LRRC8D: variants seen among roughly 807,000 people sequenced by gnomAD.
LRRC8D encodes the protein volume-regulated anion channel subunit LRRC8D.
Under a neutral mutation model 55.8 loss-of-function variants are expected in LRRC8D, and 20 were observed. The observed-to-expected ratio is 0.36, with a 90% CI of 0.25 to 0.52. The LOEUF (loss-of-function observed/expected upper bound fraction) is 0.52, where lower values mean the gene tolerates loss of function less well. Ranked by LOEUF, LRRC8D falls within the 20% of genes least tolerant of loss-of-function variation. The pLI is 0.93. For synonymous variants in LRRC8D, 352 were observed against 377.0 expected, an observed-to-expected ratio of 0.93 and a Z score of 0.77; for missense variants, 651 against 1,030.8, an observed-to-expected ratio of 0.63 and a Z score of 5.05.
At chr1:89,869,126 C>G (rs775389431) in intron 2 of LRRC8D, among the ~76,000 whole-genome samples, 15 of 152,056 alleles carry the variant, frequency 9.9e-5, no homozygotes, top group Non-Finnish European at 1.9e-4. Flanking sequence ...AGGCTGGTCT[C>G]GAGCTCCTGA....
chr1:89,824,374 A>G (rs1660715919), intron 1 of LRRC8D, among the ~76,000 whole-genome samples: 1 of 152,238 alleles, frequency 6.6e-6, no homozygotes, highest in Non-Finnish European at 1.5e-5. Context: ...GAGGGAGATC[A>G]TAGCAGATGA....
At chr1:89,923,660 T>C (rs1362502298) in intron 2 of LRRC8D, among the ~76,000 whole-genome samples, 2 of 152,178 alleles carry the variant, frequency 1.3e-5, no homozygotes, top group African/African-American at 4.8e-5. Context: ...GCTGGAGATA[T>C]CACATTATGT....
chr1:89,872,598 C>T (rs1272449506), intron 2 of LRRC8D, among the ~76,000 whole-genome samples: 1 of 152,210 alleles, frequency 6.6e-6, no homozygotes, highest in Non-Finnish European at 1.5e-5. Context: ...TAAGGATAAC[C>T]ATCTTATTAG....
intron 2 of LRRC8D, among the ~76,000 whole-genome samples, chr1:89,923,953 G>C (rs995971956): frequency 6.6e-6 from 1 of 152,148 alleles, no homozygotes. Context: ...GGACTTAAAG[G>C]TAAGACCTAA....
chr1:89,898,436 T>C (rs543818904), intron 2 of LRRC8D, among the ~76,000 whole-genome samples: 1 of 152,330 alleles, frequency 6.6e-6, no homozygotes, highest in Non-Finnish European at 1.5e-5. Context: ...AAGGAAATAC[T>C]CTCACTTCCT....
intron 2 of LRRC8D, among the ~76,000 whole-genome samples, chr1:89,895,446 C>T (rs1170292163): frequency 6.6e-6 from 1 of 152,122 alleles, no homozygotes; most frequent in Non-Finnish European, 1.5e-5. Flanking sequence ...TGAGTTAGCC[C>T]TGTGCAAACT....
chr1:89,903,610 T>TA (rs1294889863), intron 2 of LRRC8D, among the ~76,000 whole-genome samples: 2 of 152,212 alleles, frequency 1.3e-5, no homozygotes, highest in Non-Finnish European at 2.9e-5. Context: ...CAAACATGGT[T>TA]ACACATATTG....
chr1:89,836,829 C>T (rs1483293887), intron 1 of LRRC8D, among the ~76,000 whole-genome samples: 1 of 152,164 alleles, frequency 6.6e-6, no homozygotes, highest in Non-Finnish European at 1.5e-5. Context: ...TCAATTGGCT[C>T]GCCCTCATTT....
intron 2 of LRRC8D, among the ~76,000 whole-genome samples, chr1:89,858,171 G>C (rs116337583): frequency 1.3e-5 from 2 of 152,228 alleles, no homozygotes; most frequent in South Asian, 2.1e-4. Context: ...AGAGATTGCC[G>C]TGAGCAGAGA....
rs114434314 is a variant in LRRC8D at position 89,841,625 on chromosome 1, G to A, written c.-147-2013G>A. On this transcript the variant is annotated intron_variant, in intron 1 of 2. Coordinates refer to ENST00000337338, the MANE Select transcript of LRRC8D (RefSeq NM_001134479.2). Reference sequence around the variant, plus strand: ...TTAGAGAAAAAATAATGCAGGAATCGAATTTTAGTCAGCTTGTTAGGTTCT... The same window carrying A: ...TTAGAGAAAAAATAATGCAGGAATCAAATTTTAGTCAGCTTGTTAGGTTCT... Among the ~76,000 whole-genome samples, 756 of 152,254 alleles carry A rather than the reference G, an allele frequency of 5.0e-3. 11 individuals carry two copies. Among genetic ancestry groups the A allele is most frequent in the African/African-American group, 0.017 (715 of 41,536 alleles).
chr1:89,857,192 G>A (rs867742745), intron 2 of LRRC8D, among the ~76,000 whole-genome samples: 55 of 152,044 alleles, frequency 3.6e-4, no homozygotes, highest in Middle Eastern at 3.4e-3. Flanking sequence ...AGACCAGCCT[G>A]ACCAACATGG....
chr1:89,935,090 G>A lies in LRRC8D; in HGVS notation c.2022G>A (p.Glu674=), dbSNP rs879088991. ...DLKSNNIRTI[E]EIISFQHLKR... is the part of the protein sequence containing the mutation. Reference sequence around the variant, plus strand: ...AGTCCAATAACATTCGCACAATTGAGGAAATCATCAGTTTCCAGCATTTAA... The same window carrying A: ...AGTCCAATAACATTCGCACAATTGAAGAAATCATCAGTTTCCAGCATTTAA... The change falls in exon 3 of 3, where the codon GAG becomes GAA. Residue 674 remains glutamate (E), a synonymous_variant. Coordinates refer to ENST00000337338, the MANE Select transcript of LRRC8D (RefSeq NM_001134479.2). The A allele has an allele frequency of 6.2e-7, 1 of 1,614,096 alleles. No individual in the cohort carries two copies. Among genetic ancestry groups the A allele is most frequent in the East Asian group, 2.2e-5 (1 of 44,878 alleles).
At chr1:89,848,556 C>A (rs1045508238) in intron 2 of LRRC8D, among the ~76,000 whole-genome samples, 1 of 152,090 alleles carries the variant, frequency 6.6e-6, no homozygotes, top group African/African-American at 2.4e-5. Flanking sequence ...AGGGTTATTT[C>A]ATGAAGTTCC....
chr1:89,823,127 GTGTA>G (rs1196388807), intron 1 of LRRC8D, among the ~76,000 whole-genome samples: 1 of 152,172 alleles, frequency 6.6e-6, no homozygotes, highest in Non-Finnish European at 1.5e-5. Flanking sequence ...TTTATTGAGA[GTGTA>G]TGTGTGCGTG....
At chr1:89,888,124 AC>A (rs1662470705) in intron 2 of LRRC8D, among the ~76,000 whole-genome samples, 1 of 152,238 alleles carries the variant, frequency 6.6e-6, no homozygotes, top group Non-Finnish European at 1.5e-5. Flanking sequence ...TCAGACTATG[AC>A]AAAAGAATCC....
At chr1:89,846,161 C>T (rs1036741033) in intron 2 of LRRC8D, among the ~76,000 whole-genome samples, 2 of 152,180 alleles carry the variant, frequency 1.3e-5, no homozygotes, top group African/African-American at 4.8e-5. Context: ...GCATCTGTCA[C>T]TCTGCTCTAA....
intron 1 of LRRC8D, among the ~76,000 whole-genome samples, chr1:89,835,130 G>A (rs1182852305): frequency 1.3e-5 from 2 of 152,128 alleles, no homozygotes. Flanking sequence ...GATTCCAGGA[G>A]CACCCCTCCA....
At chr1:89,823,002 T>G (rs1660678007) in intron 1 of LRRC8D, among the ~76,000 whole-genome samples, 1 of 152,172 alleles carries the variant, frequency 6.6e-6, no homozygotes, top group African/African-American at 2.4e-5. Context: ...GTAGGTTACT[T>G]ATGGAGCCCC....
intron 2 of LRRC8D, among the ~76,000 whole-genome samples, chr1:89,849,816 T>C (rs1661366910): frequency 6.6e-6 from 1 of 152,200 alleles, no homozygotes; most frequent in South Asian, 2.1e-4. Context: ...AACTTTCTTC[T>C]AGTGTGTCAC....
Sources: gnomAD v4.1 joint callset for allele counts (sites outside exome capture counted in the v4.1 genomes callset) on GRCh38, gnomAD v4.1.1 for gene constraint, MANE v1.5 for transcripts, NCBI Gene and HGNC (gene_info 2026-07-23, HGNC 2026-07-21) for gene names.